Variants in RFX7 observed in about 807,000 individuals in gnomAD.
The protein encoded by RFX7 is DNA-binding protein RFX7.
In RFX7, 26 loss-of-function variants were observed where a neutral mutation model predicts 111.8. That is an observed-to-expected ratio of 0.23 (90% CI 0.17 to 0.32). RFX7 has a LOEUF of 0.32. Among genes scored for constraint, RFX7 ranks in the 10% least tolerant of loss-of-function variants. The pLI is 1.00. For missense variants in RFX7, 1,573 were observed against 1,772.9 expected, an observed-to-expected ratio of 0.89 and a Z score of 2.02; for synonymous variants, 624 against 624.4, an observed-to-expected ratio of 1.00 and a Z score of 0.01.
At chr15:56,208,303 C>A (rs1486684027) in intron 2 of RFX7, among the ~76,000 whole-genome samples, 2 of 152,124 alleles carry the variant, frequency 1.3e-5, no homozygotes, top group African/African-American at 4.8e-5. Context: ...CAACTCCAGA[C>A]CAGTCTAGCC....
At chr15:56,212,864 T>A (rs1160081599) in intron 2 of RFX7, among the ~76,000 whole-genome samples, 2 of 151,510 alleles carry the variant, frequency 1.3e-5, no homozygotes, top group African/African-American at 4.9e-5. Context: ...CACCAAAGAG[T>A]ATACACAAAT....
intron 2 of RFX7, among the ~76,000 whole-genome samples, chr15:56,219,397 G>A (rs1335798440): frequency 6.6e-6 from 1 of 151,914 alleles, no homozygotes; most frequent in Non-Finnish European, 1.5e-5. Flanking sequence ...TTAGATTCAG[G>A]GGTACACGTG....
Position 56,092,047 on chromosome 15 carries a change from T to A in RFX7, c.*1298A>T, listed in dbSNP as rs2041602525. On this transcript the variant is annotated 3_prime_UTR_variant, in exon 10 of 10. Transcript: ENST00000559447. ...ATGGAGCTTTCAACCAGTGAGTAGG[T>A]TTGTGTCAACATGCAACTCATAAAT... The A allele has an allele frequency of 6.6e-6, 1 of 152,376 alleles. No homozygotes were observed. Among genetic ancestry groups the A allele is most frequent in the Non-Finnish European group, 1.5e-5 (1 of 67,966 alleles). The allele number at this position is 152,376 out of a possible 1,614,324, so 9.4% of individuals were successfully genotyped here.
chr15:56,231,674 T>C lies in RFX7; in HGVS notation c.161+11451A>G, dbSNP rs1298203719. Among the ~76,000 whole-genome samples, 4 of 152,164 alleles carry C rather than the reference T, an allele frequency of 2.6e-5. No homozygotes were observed. In the South Asian group the frequency reaches 8.3e-4, roughly 32 times the overall value. On this transcript the variant is annotated intron_variant, in intron 2 of 9. Coordinates refer to ENST00000559447, the MANE Select transcript of RFX7 (RefSeq NM_022841.7). The stretch of plus-strand genomic sequence containing the variant: ...TGTCCTCACATTTCAAAACCAATCA[T>C]GCCTTCCCAACAGTCCCTCAAAGTC...
intron 5 of RFX7, among the ~76,000 whole-genome samples, chr15:56,109,665 C>A (rs1211964999): frequency 6.6e-6 from 1 of 151,788 alleles, no homozygotes; most frequent in East Asian, 1.9e-4. Flanking sequence ...GGCCGCCCAT[C>A]GTCTGAGATG....
At chr15:56,098,417 CT>C in intron 8 of RFX7, 41 bp from the exon 9 acceptor site, 1 of 1,524,260 alleles carries the variant, frequency 6.6e-7, no homozygotes, top group Non-Finnish European at 8.8e-7. Flanking sequence ...AAATACTCTC[CT>C]TTATAGAAGG....
chr15:56,102,308 C>T (rs1230186483), intron 6 of RFX7, 55 bp from the exon 7 acceptor site: 3 of 1,046,654 alleles, frequency 2.9e-6, no homozygotes, highest in Non-Finnish European at 4.2e-6. Context: ...CTTATACAGA[C>T]AGCACTTTAA....
At chr15:56,163,294 G>A (rs1163714347) in intron 3 of RFX7, among the ~76,000 whole-genome samples, 1 of 152,088 alleles carries the variant, frequency 6.6e-6, no homozygotes, top group Admixed American at 6.6e-5. Context: ...CTACTGGAGT[G>A]AACTACTCAA....
chr15:56,227,054 T>C (rs2043493420), intron 2 of RFX7, among the ~76,000 whole-genome samples: 1 of 152,222 alleles, frequency 6.6e-6, no homozygotes, highest in South Asian at 2.1e-4. Flanking sequence ...TAATTACTTG[T>C]AAAATTAATT....
chr15:56,187,782 G>GA (rs2043057661), intron 2 of RFX7, among the ~76,000 whole-genome samples: 1 of 152,066 alleles, frequency 6.6e-6, no homozygotes, highest in African/African-American at 2.4e-5. Context: ...GCCTGTCACA[G>GA]AAAAAATAAA....
At chr15:56,212,157 T>C (rs1428381169) in intron 2 of RFX7, among the ~76,000 whole-genome samples, 1 of 152,162 alleles carries the variant, frequency 6.6e-6, no homozygotes, top group Non-Finnish European at 1.5e-5. Flanking sequence ...ATTAATGGAA[T>C]ATGATTCAGT....
At chr15:56,141,005 C>T (rs149905399) in intron 5 of RFX7, among the ~76,000 whole-genome samples, 12 of 152,246 alleles carry the variant, frequency 7.9e-5, no homozygotes, top group African/African-American at 2.6e-4. Context: ...ACTCTGTATT[C>T]CCTCATTAGT....
intron 2 of RFX7, among the ~76,000 whole-genome samples, chr15:56,190,129 T>C (rs1389918675): frequency 6.6e-6 from 1 of 152,120 alleles, no homozygotes; most frequent in Non-Finnish European, 1.5e-5. Context: ...AGTTCTAGAG[T>C]AGATAAAATT....
Position 56,090,864 on chromosome 15 carries a change from AC to A in RFX7, c.*2480del, listed in dbSNP as rs2140505030. ...ATTGCAATTATATGCAAAATTATTT[AC>A]TTCATGAAGTTTTATGATAAACAGT... On this transcript the variant is annotated 3_prime_UTR_variant, in exon 10 of 10. Coordinates refer to ENST00000559447, the MANE Select transcript of RFX7 (RefSeq NM_022841.7). The A allele has an allele frequency of 6.5e-6, 1 of 152,748 alleles. No homozygotes were observed. Among genetic ancestry groups the A allele is most frequent in the South Asian group, 2.1e-4 (1 of 4,826 alleles). 9.5% of individuals were successfully genotyped at this position (152,748 alleles called of 1,614,324 possible).
intron 2 of RFX7, among the ~76,000 whole-genome samples, chr15:56,231,253 T>C (rs1243264259): frequency 2.0e-5 from 3 of 152,198 alleles, no homozygotes; most frequent in Non-Finnish European, 4.4e-5. Flanking sequence ...AAATACTGAA[T>C]TATGGTCTTG....
intron 2 of RFX7, among the ~76,000 whole-genome samples, chr15:56,224,683 C>T (rs1257087226): frequency 1.3e-5 from 2 of 151,996 alleles, no homozygotes; most frequent in African/African-American, 2.4e-5. Flanking sequence ...GAAAAAAACA[C>T]CTAAGTTTTT....
intron 3 of RFX7, among the ~76,000 whole-genome samples, chr15:56,164,339 G>A (rs1262096422): frequency 6.6e-6 from 1 of 152,170 alleles, no homozygotes; most frequent in Non-Finnish European, 1.5e-5. Context: ...ATAAGCACCA[G>A]ATGCTTGATT....
intron 2 of RFX7, 55 bp downstream of exon 2, chr15:56,243,070 T>C (rs2043726367): frequency 4.8e-6 from 4 of 835,952 alleles, no homozygotes; most frequent in Non-Finnish European, 5.4e-6. Context: ...CCCACCCACT[T>C]TGCAGCAGAA....
chr15:56,204,960 G>A (rs953393826), intron 2 of RFX7, among the ~76,000 whole-genome samples: 1 of 152,144 alleles, frequency 6.6e-6, no homozygotes, highest in Non-Finnish European at 1.5e-5. Flanking sequence ...CGATCATATT[G>A]TCTAGAACCA....
Sources: gnomAD v4.1 joint callset for allele counts (sites outside exome capture counted in the v4.1 genomes callset) on GRCh38, gnomAD v4.1.1 for gene constraint, MANE v1.5 for transcripts, NCBI Gene and HGNC (gene_info 2026-07-23, HGNC 2026-07-21) for gene names.